SUPT3H: variants seen among roughly 807,000 people sequenced by gnomAD.
The protein encoded by SUPT3H is SPT3 homolog, SAGA and STAGA complex component, also known as transcription initiation protein SPT3 homolog.
Under a neutral mutation model 44.3 loss-of-function variants are expected in SUPT3H, and 44 were observed. The ratio of observed to expected loss-of-function variants is 0.99; its 90% CI spans 0.78 to 1.28. SUPT3H has a LOEUF of 1.28. SUPT3H is among the 50% of genes most tolerant of loss of function. The pLI is 0.00. For missense variants in SUPT3H, 380 were observed against 387.1 expected, an observed-to-expected ratio of 0.98 and a Z score of 0.15; for synonymous variants, 124 against 125.6, an observed-to-expected ratio of 0.99 and a Z score of 0.09.
At chr6:45,171,510 C>T (rs1261981927) in intron 2 of SUPT3H, among the ~76,000 whole-genome samples, 1 of 152,002 alleles carries the variant, frequency 6.6e-6, no homozygotes, top group East Asian at 1.9e-4. Flanking sequence ...TAATCAAAAC[C>T]CAAAACCACC....
intron 3 of SUPT3H, among the ~76,000 whole-genome samples, chr6:45,079,407 AG>A (rs1795468415): frequency 6.7e-6 from 1 of 148,874 alleles, no homozygotes; most frequent in Admixed American, 6.8e-5. Context: ...AGAAGTGGGG[AG>A]GAGAAGGAAG....
intron 2 of SUPT3H, among the ~76,000 whole-genome samples, chr6:45,333,390 T>C (rs763437713): frequency 2.0e-5 from 3 of 151,584 alleles, no homozygotes; most frequent in Non-Finnish European, 4.4e-5. Flanking sequence ...TGTATAGCAA[T>C]TCAGATTAAA....
chr6:44,991,667 A>G (rs1582939918), intron 6 of SUPT3H, among the ~76,000 whole-genome samples: 1 of 152,248 alleles, frequency 6.6e-6, no homozygotes, highest in Middle Eastern at 3.4e-3. Context: ...ACAATGATAT[A>G]GAAAAAAATC....
intron 2 of SUPT3H, among the ~76,000 whole-genome samples, chr6:45,303,714 G>A (rs577784058): frequency 5.6e-4 from 85 of 150,708 alleles, no homozygotes; most frequent in Non-Finnish European, 8.9e-4. Flanking sequence ...AAAAAGCCAG[G>A]CCGGGCACAG....
At chr6:45,016,771 C>T (rs62436436) in intron 4 of SUPT3H, among the ~76,000 whole-genome samples, 31,309 of 151,906 alleles carry the variant, frequency 0.21, 3,931 homozygotes, top group Non-Finnish European at 0.29. Flanking sequence ...GGTTCCAAGT[C>T]TTTGCTATTG....
At chr6:45,012,982 T>C (rs1320535717) in intron 5 of SUPT3H, among the ~76,000 whole-genome samples, 5 of 152,102 alleles carry the variant, frequency 3.3e-5, no homozygotes, top group Non-Finnish European at 7.4e-5. Flanking sequence ...TGTTTGGCTG[T>C]TACCTTCCCT....
At chr6:45,344,547 A>G (rs1312283370) in intron 2 of SUPT3H, among the ~76,000 whole-genome samples, 1 of 152,104 alleles carries the variant, frequency 6.6e-6, no homozygotes, top group Non-Finnish European at 1.5e-5. Context: ...AACATTATCA[A>G]TTAAGTACTT....
chr6:44,818,656 C>A lies in SUPT3H; in HGVS notation c.*53-9155G>T, dbSNP rs909406186. Reference sequence around the variant, plus strand: ...GGGCAAAAGATGTGAATAAACACTTCAACAAAGAAAAAATACAGATGGCAA... The same window carrying A: ...GGGCAAAAGATGTGAATAAACACTTAAACAAAGAAAAAATACAGATGGCAA... On this transcript the variant is annotated intron_variant and NMD_transcript_variant, in intron 11 of 11. Transcript: ENST00000475057. 3.3e-5 allele frequency among the ~76,000 whole-genome samples: 5 copies of A among 152,062 alleles called. No individual in the cohort carries two copies. In the East Asian group the frequency reaches 9.6e-4, roughly 29 times the overall value.
chr6:45,215,845 C>T (rs190694023), intron 2 of SUPT3H, among the ~76,000 whole-genome samples: 1 of 152,244 alleles, frequency 6.6e-6, no homozygotes, highest in Non-Finnish European at 1.5e-5. Context: ...GCCAAATAGA[C>T]TGAACCCAAA....
intron 5 of SUPT3H, among the ~76,000 whole-genome samples, chr6:45,007,792 G>T (rs1215601478): frequency 1.3e-5 from 2 of 150,568 alleles, no homozygotes; most frequent in Non-Finnish European, 1.5e-5. Context: ...TCAATGGTAA[G>T]GGTTTGAGTG....
At chr6:44,892,172 T>C (rs534691503) in intron 10 of SUPT3H, among the ~76,000 whole-genome samples, 18 of 152,240 alleles carry the variant, frequency 1.2e-4, no homozygotes, top group Admixed American at 5.2e-4. Context: ...AAAATTCATA[T>C]GTTGAACCCC....
At chr6:45,264,851 C>A (rs1042702867) in intron 2 of SUPT3H, among the ~76,000 whole-genome samples, 2 of 151,554 alleles carry the variant, frequency 1.3e-5, no homozygotes, top group Admixed American at 6.6e-5. Flanking sequence ...GGGAGACGAG[C>A]AAAATTTAGA....
chr6:45,307,807 G>A (rs1056660848), intron 2 of SUPT3H, among the ~76,000 whole-genome samples: 4 of 152,180 alleles, frequency 2.6e-5, no homozygotes, highest in East Asian at 1.9e-4. Flanking sequence ...GGCTTCAGAC[G>A]ATCAAGCTTC....
chr6:44,813,376 G>A (rs1581796880), intron 11 of SUPT3H, among the ~76,000 whole-genome samples: 3 of 152,032 alleles, frequency 2.0e-5, no homozygotes. Flanking sequence ...TGTAGCGATG[G>A]GGTCTTGCTT....
intron 2 of SUPT3H, among the ~76,000 whole-genome samples, chr6:45,301,376 A>G (rs1782119867): frequency 6.6e-6 from 1 of 152,188 alleles, no homozygotes; most frequent in Admixed American, 6.5e-5. Flanking sequence ...CAACCTATTA[A>G]AACATAATGG....
intron 2 of SUPT3H, among the ~76,000 whole-genome samples, chr6:45,353,466 A>G (rs1470356514): frequency 6.6e-6 from 1 of 152,062 alleles, no homozygotes; most frequent in Non-Finnish European, 1.5e-5. Context: ...AACGGAACAA[A>G]GCAGAAAAGT....
intron 3 of SUPT3H, among the ~76,000 whole-genome samples, chr6:45,067,073 C>T (rs2153548177): frequency 7.0e-6 from 1 of 142,526 alleles, no homozygotes; most frequent in East Asian, 2.1e-4. Context: ...TACTATAAGG[C>T]TACAGTAACC....
At chr6:44,995,249 A>T (rs1296340136) in intron 6 of SUPT3H, among the ~76,000 whole-genome samples, 1 of 152,010 alleles carries the variant, frequency 6.6e-6, no homozygotes, top group Non-Finnish European at 1.5e-5. Context: ...CATTTATACA[A>T]AAATACCCAT....
chr6:45,179,035 G>A (rs1812587192), intron 2 of SUPT3H, among the ~76,000 whole-genome samples: 2 of 152,006 alleles, frequency 1.3e-5, no homozygotes, highest in South Asian at 2.1e-4. Context: ...AATAAAAAAT[G>A]ATAAAGGGGA....
Sources: gnomAD v4.1 joint callset for allele counts (sites outside exome capture counted in the v4.1 genomes callset) on GRCh38, gnomAD v4.1.1 for gene constraint, MANE v1.5 for transcripts, NCBI Gene and HGNC (gene_info 2026-07-23, HGNC 2026-07-21) for gene names.